The following EMCN variants were observed in gnomAD, a reference collection of about 807,000 sequenced individuals.
The protein encoded by EMCN is MUC-14.
EMCN carries 37 observed loss-of-function variants against 38.4 expected under a neutral mutation model. The observed-to-expected ratio is 0.96, with a 90% confidence interval of 0.74 to 1.27. The LOEUF is 1.27. Ranked by LOEUF, EMCN falls within the 50% of genes most tolerant of loss-of-function variation. EMCN has a pLI of 0.00. For synonymous variants in EMCN, 95 were observed against 100.8 expected (o/e 0.94, Z 0.35); for missense variants, 318 against 302.8 (o/e 1.05, Z -0.37).
Position 100,475,062 on chromosome 4 carries a change from T to G in EMCN, c.235A>C (p.Thr79Pro), listed in dbSNP as rs752117212. ...CCTTCATCTTTACTTGTTAAAAAAG[T>G]AGCTGTTGACATCAGAGACATTTTA... ...LLKMSLMSTATFLTSKDEGLK... is the reference protein window; with the variant it reads ...LLKMSLMSTAPFLTSKDEGLK... The change falls in exon 3 of 12, where the codon ACT (threonine) becomes CCT (proline). Residue 79 changes from threonine (T) to proline (P), a missense_variant. Transcript: ENST00000296420. 6 of 1,539,652 alleles carry G rather than the reference T, an allele frequency of 3.9e-6. No homozygotes were observed. The highest frequency in any genetic ancestry group is 1.8e-6 in the Non-Finnish European group (2 of 1,133,504).
intron 5 of EMCN, among the ~76,000 whole-genome samples, chr4:100,424,485 A>C (rs1726989950): frequency 1.3e-5 from 2 of 152,062 alleles, no homozygotes; most frequent in Admixed American, 1.3e-4. Context: ...TGCACCAAAG[A>C]AATTGATATT....
intron 1 of EMCN, among the ~76,000 whole-genome samples, chr4:100,516,992 G>A (rs1729775988): frequency 6.6e-6 from 1 of 151,866 alleles, no homozygotes; most frequent in Non-Finnish European, 1.5e-5. Context: ...TCTCCCAGTA[G>A]TACTTCTACC....
chr4:100,481,425 T>C (rs987645305), intron 1 of EMCN, among the ~76,000 whole-genome samples: 12 of 152,088 alleles, frequency 7.9e-5, no homozygotes, highest in African/African-American at 2.9e-4. Flanking sequence ...CACATAGAAA[T>C]TGCTTGATGT....
chr4:100,440,400 C>G (rs763191698), intron 5 of EMCN, among the ~76,000 whole-genome samples: 4 of 151,942 alleles, frequency 2.6e-5, no homozygotes, highest in Non-Finnish European at 5.9e-5. Flanking sequence ...CCCACGTTCC[C>G]CCTTCTGAGC....
chr4:100,502,676 A>C (rs1729380144), intron 1 of EMCN, among the ~76,000 whole-genome samples: 1 of 152,222 alleles, frequency 6.6e-6, no homozygotes, highest in African/African-American at 2.4e-5. Flanking sequence ...TATTCTCACA[A>C]AATGCTAACA....
chr4:100,479,599 T>A (rs558773426), intron 2 of EMCN, among the ~76,000 whole-genome samples: 1 of 152,254 alleles, frequency 6.6e-6, no homozygotes, highest in South Asian at 2.1e-4. Context: ...AGAACTGGAA[T>A]ATTTAGAAAG....
At chr4:100,463,160 G>A (rs1728226701) in intron 4 of EMCN, among the ~76,000 whole-genome samples, 1 of 152,142 alleles carries the variant, frequency 6.6e-6, no homozygotes, top group Admixed American at 6.6e-5. Flanking sequence ...GAACTGGAAA[G>A]CTGTCAGAAA....
intron 6 of EMCN, 43 bp downstream of exon 6, chr4:100,423,269 G>A (rs1726943610): frequency 3.4e-6 from 5 of 1,480,592 alleles, no homozygotes; most frequent in Non-Finnish European, 3.8e-6. Flanking sequence ...TCAAGAAAGG[G>A]TCAGGTAGAG....
At chr4:100,498,882 A>G (rs142228028) in intron 1 of EMCN, among the ~76,000 whole-genome samples, 129 of 152,312 alleles carry the variant, frequency 8.5e-4, no homozygotes, top group Non-Finnish European at 1.5e-3. Context: ...TATTTTCCTT[A>G]TCAATTCAAA....
chr4:100,425,523 G>A (rs545051528), intron 5 of EMCN, among the ~76,000 whole-genome samples: 3 of 151,912 alleles, frequency 2.0e-5, no homozygotes, highest in African/African-American at 4.8e-5. Flanking sequence ...TGGAATCTTG[G>A]GCAAGTTGCT....
intron 1 of EMCN, among the ~76,000 whole-genome samples, chr4:100,512,426 T>A (rs1729649672): frequency 6.6e-6 from 1 of 152,190 alleles, no homozygotes; most frequent in Admixed American, 6.5e-5. Context: ...CAAAAGGTAC[T>A]GTTAGCCTAA....
At chr4:100,421,070 T>G (rs1363854949) in intron 8 of EMCN, among the ~76,000 whole-genome samples, 12 of 152,094 alleles carry the variant, frequency 7.9e-5, no homozygotes, top group Admixed American at 7.9e-4. Flanking sequence ...TCCCTATATT[T>G]GATAATATCT....
chr4:100,465,323 C>A (rs1728284997), intron 4 of EMCN, 100 bp downstream of exon 4: 5 of 654,904 alleles, frequency 7.6e-6, no homozygotes, highest in Non-Finnish European at 1.1e-5. Flanking sequence ...ACAATTTAAG[C>A]AGAGCATAAT....
intron 1 of EMCN, among the ~76,000 whole-genome samples, chr4:100,491,019 T>C (rs533058340): frequency 1.3e-4 from 20 of 152,352 alleles, no homozygotes; most frequent in African/African-American, 4.6e-4. Flanking sequence ...AATTATTTTC[T>C]TTCTATAGAG....
At chr4:100,498,245 T>A (rs966231833) in intron 1 of EMCN, among the ~76,000 whole-genome samples, 6 of 152,166 alleles carry the variant, frequency 3.9e-5, no homozygotes, top group African/African-American at 7.2e-5. Context: ...CATTTGCCTA[T>A]CTTAATTTTC....
At chr4:100,421,055 G>T (rs113995793) in intron 8 of EMCN, among the ~76,000 whole-genome samples, 1,533 of 151,960 alleles carry the variant, frequency 0.01, 17 homozygotes, top group African/African-American at 0.035. Flanking sequence ...TTATTAAAAA[G>T]AATTTCCCTA....
At chr4:100,427,675 A>G (rs938415427) in intron 5 of EMCN, among the ~76,000 whole-genome samples, 1 of 151,804 alleles carries the variant, frequency 6.6e-6, no homozygotes, top group African/African-American at 2.4e-5. Context: ...TTATTTGGAG[A>G]TTTCATTCAA....
chr4:100,475,668 T>A (rs1467360778), intron 2 of EMCN, among the ~76,000 whole-genome samples: 31,744 of 90,292 alleles, frequency 0.35, 7,102 homozygotes, highest in East Asian at 0.72. Flanking sequence ...CCTTTTTTTT[T>A]TTTTTTTTTT....
At chr4:100,416,214 A>G (rs1318056620) in intron 9 of EMCN, among the ~76,000 whole-genome samples, 3 of 152,170 alleles carry the variant, frequency 2.0e-5, no homozygotes, top group East Asian at 1.9e-4. Context: ...AATCAAGCCA[A>G]TAAATCCCTG....
Sources: gnomAD v4.1 joint callset for allele counts (sites outside exome capture counted in the v4.1 genomes callset) on GRCh38, gnomAD v4.1.1 for gene constraint, MANE v1.5 for transcripts, NCBI Gene and HGNC (gene_info 2026-07-23, HGNC 2026-07-21) for gene names.